ABRACL: variants seen among roughly 807,000 people sequenced by gnomAD.
ABRACL encodes ABRA C-terminal like.
ABRACL carries 4 observed loss-of-function variants against 7.0 expected under a neutral mutation model. The ratio of observed to expected loss-of-function variants is 0.57; its 90% confidence interval spans 0.28 to 1.30. ABRACL has a LOEUF of 1.30. ABRACL is among the 50% of genes most tolerant of loss of function. ABRACL has a pLI of 0.10. For missense variants in ABRACL, 104 were observed against 97.3 expected (o/e 1.07, Z -0.29); for synonymous variants, 30 against 36.0 (o/e 0.83, Z 0.60).
At chr6:139,034,051 A>T in intron 1 of ABRACL, 104 bp from the exon 2 acceptor site, 2 of 1,410,824 alleles carry the variant, frequency 1.4e-6, no homozygotes, top group Non-Finnish European at 2.0e-6. Context: ...ATGGTAAATT[A>T]ATAGTGACAG....
intron 2 of ABRACL, 59 bp from the exon 3 acceptor site, chr6:139,042,660 C>A: frequency 6.8e-7 from 1 of 1,481,438 alleles, no homozygotes; most frequent in Non-Finnish European, 9.2e-7. Flanking sequence ...GTAAGTCTTC[C>A]ATACTTGAGG....
At chr6:139,036,578 T>C (rs1447041645) in intron 2 of ABRACL, among the ~76,000 whole-genome samples, 1 of 152,228 alleles carries the variant, frequency 6.6e-6, no homozygotes, top group African/African-American at 2.4e-5. Flanking sequence ...AGTTGAATCA[T>C]ATCAGTTAAT....
At chr6:139,032,522 C>A (rs1786097659) in intron 1 of ABRACL, among the ~76,000 whole-genome samples, 1 of 152,160 alleles carries the variant, frequency 6.6e-6, no homozygotes, top group African/African-American at 2.4e-5. Flanking sequence ...ATGGTAGTGG[C>A]ACTTTTAATA....
intron 1 of ABRACL, among the ~76,000 whole-genome samples, chr6:139,032,519 T>C (rs1786097536): frequency 6.6e-6 from 1 of 152,224 alleles, no homozygotes; most frequent in Non-Finnish European, 1.5e-5. Context: ...CAGATGGTAG[T>C]GGCACTTTTA....
intron 2 of ABRACL, among the ~76,000 whole-genome samples, chr6:139,035,173 A>G (rs1786135139): frequency 6.6e-6 from 1 of 152,224 alleles, no homozygotes; most frequent in Non-Finnish European, 1.5e-5. Flanking sequence ...CCATTAAGCC[A>G]TTAATATCAA....
At chr6:139,031,796 G>T (rs1786084693) in intron 1 of ABRACL, among the ~76,000 whole-genome samples, 1 of 152,104 alleles carries the variant, frequency 6.6e-6, no homozygotes, top group African/African-American at 2.4e-5. Flanking sequence ...GCCCTGAACT[G>T]CTTCTGGGCC....
Position 139,043,248 on chromosome 6 carries a change from C to G in ABRACL, c.*345C>G, listed in dbSNP as rs1409706631. 5.9e-6 allele frequency: 1 copy of G among 170,292 alleles called. No homozygotes were observed. The highest frequency in any genetic ancestry group is 2.4e-5 in the African/African-American group (1 of 42,064). 10.5% of individuals were successfully genotyped at this position (170,292 alleles called of 1,614,324 possible). A position where few individuals can be genotyped will look rare whatever the true frequency, so the allele number is the denominator to read the frequency against. On this transcript the variant is annotated 3_prime_UTR_variant, in exon 3 of 3. Transcript: ENST00000367660. ...CAACAAGCAAACTGAAGACCAACTC[C>G]TATGAGAAATATTATGATGTTTATG...
At chr6:139,041,148 GTTATTGT>G (rs1392899607) in intron 2 of ABRACL, among the ~76,000 whole-genome samples, 1 of 152,132 alleles carries the variant, frequency 6.6e-6, no homozygotes, top group African/African-American at 2.4e-5. Context: ...AAAGCTCCAA[GTTATTGT>G]CTCCTTTAAA....
intron 2 of ABRACL, among the ~76,000 whole-genome samples, chr6:139,035,537 C>T (rs1313904764): frequency 6.6e-6 from 1 of 151,902 alleles, no homozygotes; most frequent in Non-Finnish European, 1.5e-5. Flanking sequence ...GGCTAGAGTG[C>T]AGTGGTGCAA....
chr6:139,039,394 A>C (rs185521697), intron 2 of ABRACL, among the ~76,000 whole-genome samples: 27 of 152,346 alleles, frequency 1.8e-4, no homozygotes, highest in African/African-American at 6.5e-4. Flanking sequence ...TGTAAAATAC[A>C]TCGAACAGTT....
At chr6:139,041,729 T>C (rs559648916) in intron 2 of ABRACL, among the ~76,000 whole-genome samples, 1 of 152,070 alleles carries the variant, frequency 6.6e-6, no homozygotes, top group African/African-American at 2.4e-5. Context: ...GCTTTACTTG[T>C]TATGTGTATA....
At chr6:139,035,543 T>C (rs542895690) in intron 2 of ABRACL, among the ~76,000 whole-genome samples, 88 of 152,040 alleles carry the variant, frequency 5.8e-4, no homozygotes, top group African/African-American at 2.1e-3. Context: ...AGTGCAGTGG[T>C]GCAATCTCAG....
rs879553033 is a variant in ABRACL, at chr6:139,043,002, A to G, written c.*99A>G. ...ATTTGAACATACTTAATGTATTTTT[A>G]TAGAACTTTGTAAACGAAAGGAGAT... is the stretch of plus-strand genomic sequence containing the variant. On this transcript the variant is annotated 3_prime_UTR_variant, in exon 3 of 3. Transcript: ENST00000367660. 160 of 1,064,802 alleles carry G rather than the reference A, an allele frequency of 1.5e-4. No individual in the cohort carries two copies. The highest frequency in any genetic ancestry group is 2.0e-4 in the Non-Finnish European group (153 of 774,666). 66.0% of individuals were successfully genotyped at this position (1,064,802 alleles called of 1,614,324 possible). A position where few individuals can be genotyped will look rare whatever the true frequency, so the allele number is the denominator to read the frequency against.
intron 2 of ABRACL, chr6:139,034,581 C>G (rs990707654): frequency 1.6e-6 from 1 of 606,548 alleles, no homozygotes. Context: ...GTTCTGCCAT[C>G]ATTTTACAAA....
intron 1 of ABRACL, among the ~76,000 whole-genome samples, chr6:139,033,326 C>A (rs1786108472): frequency 6.6e-6 from 1 of 152,214 alleles, no homozygotes; most frequent in South Asian, 2.1e-4. Context: ...TCCTTATCTG[C>A]AGATGAATGA....
At position 139,042,729 on chromosome 6, in the gene ABRACL, A is replaced by T; in HGVS notation, c.72A>T (p.Gly24=). Residue 24 remains glycine (G), a synonymous_variant, in exon 3 of 3, where the codon GGA becomes GGT. Coordinates refer to ENST00000367660, the MANE Select transcript of ABRACL (RefSeq NM_021243.3). The part of the protein sequence containing the change: ...IHRLGSKNAD[G]KLSVKFGVLF... Reference sequence around the variant, plus strand: ...ATTTTCTCAAACTAGATGCTGATGGAAAGTTAAGCGTGAAATTTGGGGTCC... The same window carrying T: ...ATTTTCTCAAACTAGATGCTGATGGTAAGTTAAGCGTGAAATTTGGGGTCC... 6.2e-7 allele frequency: 1 copy of T among 1,610,404 alleles called. No individual in the cohort carries two copies. The highest frequency in any genetic ancestry group is 1.1e-5 in the South Asian group (1 of 90,288).
Position 139,042,990 on chromosome 6 carries a change from T to A in ABRACL, c.*87T>A. The A allele has an allele frequency of 8.8e-7, 1 of 1,141,688 alleles. No individual in the cohort carries two copies. Among genetic ancestry groups the A allele is most frequent in the Non-Finnish European group, 1.2e-6 (1 of 831,580 alleles). The allele number at this position is 1,141,688 out of a possible 1,614,324, so 70.7% of individuals were successfully genotyped here. ...GAAAGAACAAACATTTGAACATACT[T>A]AATGTATTTTTATAGAACTTTGTAA... On this transcript the variant is annotated 3_prime_UTR_variant, in exon 3 of 3. Coordinates refer to ENST00000367660, the MANE Select transcript of ABRACL (RefSeq NM_021243.3).
rs1554211144 is a variant in ABRACL at position 139,041,513 on chromosome 6, G to GTA, written c.62-1188_62-1187dup. On this transcript the variant is annotated intron_variant, in intron 2 of 2. Transcript: ENST00000367660. ...TATATATGTGTGTGTGTGTGTGTGT[G>GTA]TATATATATATATATATATTTTTTT... 4.0e-3 allele frequency among the ~76,000 whole-genome samples: 171 copies of GTA among 43,112 alleles called. 1 individual carries two copies. The East Asian group carries it at 0.13, about 33-fold the overall frequency. The allele number at this position is 43,112 out of a possible 152,430, so 28.3% of individuals were successfully genotyped here.
At chr6:139,040,712 C>G (rs1451079620) in intron 2 of ABRACL, among the ~76,000 whole-genome samples, 1 of 152,164 alleles carries the variant, frequency 6.6e-6, no homozygotes, top group Non-Finnish European at 1.5e-5. Flanking sequence ...GCTTTCCAGG[C>G]CAAACATGGT....
Sources: allele counts gnomAD v4.1 joint callset (sites outside exome capture counted in the v4.1 genomes callset), GRCh38; gene constraint gnomAD v4.1.1; transcripts MANE v1.5; gene names NCBI Gene and HGNC (gene_info 2026-07-23, HGNC 2026-07-21).